Variants in FIGN observed in about 807,000 individuals in gnomAD.
FIGN encodes fidgetin, microtubule severing factor.
Under a neutral mutation model 51.3 loss-of-function variants are expected in FIGN, and 11 were observed. The observed-to-expected ratio is 0.21, with a 90% CI of 0.13 to 0.35. The LOEUF (loss-of-function observed/expected upper bound fraction) is 0.35, where lower values mean the gene tolerates loss of function less well. Among genes scored for constraint, FIGN ranks in the 10% least tolerant of loss-of-function variants. The probability of loss-of-function intolerance (pLI) is 1.00; values close to 1 mark genes in which losing one functional copy is unlikely to be tolerated. For synonymous variants in FIGN, 407 were observed against 363.2 expected (o/e 1.12, Z -1.37); for missense variants, 857 against 943.6 (o/e 0.91, Z 1.20).
Position 163,710,662 on chromosome 2 carries a change from G to A in FIGN, c.25+24241C>T, listed in dbSNP as rs181180001. 1.4e-3 allele frequency among the ~76,000 whole-genome samples: 206 copies of A among 152,220 alleles called. 2 individuals are homozygous for A. The highest frequency in any genetic ancestry group is 5.7e-4 in the Non-Finnish European group (39 of 67,992). On this transcript the variant is annotated intron_variant, in intron 2 of 2. Transcript: ENST00000333129. The stretch of plus-strand genomic sequence containing the variant: ...CATAATAGTGCTAGCTAAATGAAAG[G>A]TTTTTATTTAGTGCCAATTTTAACA...
At chr2:163,615,645 G>C (rs992222849) in intron 2 of FIGN, among the ~76,000 whole-genome samples, 4 of 151,998 alleles carry the variant, frequency 2.6e-5, no homozygotes, top group African/African-American at 9.7e-5. Flanking sequence ...TCAAATAATG[G>C]GTTGAGTTTT....
At chr2:163,643,676 G>A (rs1343426095) in intron 2 of FIGN, among the ~76,000 whole-genome samples, 6 of 149,858 alleles carry the variant, frequency 4.0e-5, no homozygotes, top group Admixed American at 3.3e-4. Flanking sequence ...AATGATTGCC[G>A]GGCACAGTGG....
chr2:163,693,832 GTGTTAGA>G (rs1684275095), intron 2 of FIGN, among the ~76,000 whole-genome samples: 1 of 152,134 alleles, frequency 6.6e-6, no homozygotes, highest in Non-Finnish European at 1.5e-5. Context: ...CGAAACATAT[GTGTTAGA>G]TGGTATTATA....
At chr2:163,632,130 A>G (rs1683154602) in intron 2 of FIGN, among the ~76,000 whole-genome samples, 1 of 152,244 alleles carries the variant, frequency 6.6e-6, no homozygotes, top group African/African-American at 2.4e-5. Flanking sequence ...CCTAGGCAAG[A>G]AGAGCGAAAC....
In FIGN at chr2:163,607,470, G is replaced by C. The variant is rs938679330; in HGVS notation, c.*2082C>G. 2 of 152,312 alleles carry C rather than the reference G, an allele frequency of 1.3e-5. No homozygotes were observed. The highest frequency in any genetic ancestry group is 4.8e-5 in the African/African-American group (2 of 41,384). The allele number at this position is 152,312 out of a possible 1,614,324, so 9.4% of individuals were successfully genotyped here. On this transcript the variant is annotated 3_prime_UTR_variant, in exon 3 of 3. Transcript: ENST00000333129. Reference sequence around the variant, plus strand: ...TAGCAACATAAAAAATAAAAAAAGGGGAGTAAAGATCAAGCATCATAAAAT... The same window carrying C: ...TAGCAACATAAAAAATAAAAAAAGGCGAGTAAAGATCAAGCATCATAAAAT...
intron 2 of FIGN, among the ~76,000 whole-genome samples, chr2:163,692,135 T>A (rs1684248396): frequency 6.6e-6 from 1 of 152,226 alleles, no homozygotes; most frequent in South Asian, 2.1e-4. Context: ...AAAATTAAAA[T>A]ATGAATTGAA....
intron 2 of FIGN, among the ~76,000 whole-genome samples, chr2:163,665,794 G>A (rs960489647): frequency 1.3e-4 from 19 of 151,982 alleles, no homozygotes; most frequent in Admixed American, 5.2e-4. Flanking sequence ...TTAATGGAGA[G>A]TGAAAAAAAA....
chr2:163,661,176 G>A (rs920593445), intron 2 of FIGN, among the ~76,000 whole-genome samples: 17 of 150,130 alleles, frequency 1.1e-4, no homozygotes, highest in African/African-American at 2.7e-4. Context: ...GAGCCACCGC[G>A]CCTGGCTAGA....
At chr2:163,694,472 A>T (rs1684286149) in intron 2 of FIGN, among the ~76,000 whole-genome samples, 1 of 152,150 alleles carries the variant, frequency 6.6e-6, no homozygotes, top group African/African-American at 2.4e-5. Context: ...CTTTTACAGG[A>T]TGGGGCAAGC....
chr2:163,734,286 G>A (rs1213104350), intron 2 of FIGN, among the ~76,000 whole-genome samples: 3 of 151,558 alleles, frequency 2.0e-5, no homozygotes, highest in African/African-American at 7.3e-5. Context: ...CAAGGACTTT[G>A]GACAATCAAA....
At chr2:163,696,025 C>A (rs1684313688) in intron 2 of FIGN, among the ~76,000 whole-genome samples, 1 of 152,102 alleles carries the variant, frequency 6.6e-6, no homozygotes. Flanking sequence ...GCAAGAGAAT[C>A]TCTTGAACCT....
Position 163,734,359 on chromosome 2 carries a change from C to A in FIGN, c.25+544G>T, listed in dbSNP as rs973264234. ...CTTACCCGCCCCCCCCAAAAAAAAA[C>A]CACACTCAGAAGAACTGATTACTCC... is the stretch of plus-strand genomic sequence containing the variant. On this transcript the variant is annotated intron_variant, in intron 2 of 2. Transcript: ENST00000333129. 1.1e-4 allele frequency among the ~76,000 whole-genome samples: 16 copies of A among 147,918 alleles called. 1 individual carries two copies. Among genetic ancestry groups the A allele is most frequent in the South Asian group, 6.5e-4 (3 of 4,646 alleles).
At chr2:163,664,086 T>C (rs1383983831) in intron 2 of FIGN, among the ~76,000 whole-genome samples, 2 of 152,108 alleles carry the variant, frequency 1.3e-5, no homozygotes, top group Non-Finnish European at 2.9e-5. Flanking sequence ...GGTATGTGTG[T>C]GTCTATGGTA....
intron 2 of FIGN, among the ~76,000 whole-genome samples, chr2:163,613,500 T>G (rs1207157711): frequency 6.6e-6 from 1 of 152,128 alleles, no homozygotes; most frequent in Non-Finnish European, 1.5e-5. Context: ...TCTGACTTAC[T>G]GCGATAAACT....
chr2:163,638,842 T>A (rs1348870126), intron 2 of FIGN, among the ~76,000 whole-genome samples: 1 of 152,192 alleles, frequency 6.6e-6, no homozygotes, highest in African/African-American at 2.4e-5. Flanking sequence ...GACAGAAGTC[T>A]AATTATTTAA....
intron 2 of FIGN, among the ~76,000 whole-genome samples, chr2:163,683,859 A>G (rs1381381482): frequency 1.3e-5 from 2 of 152,164 alleles, no homozygotes; most frequent in Non-Finnish European, 2.9e-5. Context: ...TGATGCTTTT[A>G]TGGTCTAGCT....
intron 2 of FIGN, among the ~76,000 whole-genome samples, chr2:163,625,540 G>A (rs937881545): frequency 2.0e-5 from 3 of 151,804 alleles, no homozygotes; most frequent in African/African-American, 7.3e-5. Flanking sequence ...AGTTAGCTAG[G>A]CTTCTTATTG....
intron 2 of FIGN, among the ~76,000 whole-genome samples, chr2:163,709,781 T>G (rs1288726471): frequency 6.6e-6 from 1 of 152,032 alleles, no homozygotes; most frequent in Non-Finnish European, 1.5e-5. Flanking sequence ...TTCATATTTA[T>G]GAGAAAAAAA....
intron 2 of FIGN, among the ~76,000 whole-genome samples, chr2:163,713,154 A>G (rs1361945226): frequency 6.6e-6 from 1 of 152,220 alleles, no homozygotes; most frequent in African/African-American, 2.4e-5. Flanking sequence ...AGTAAAATAT[A>G]AAACTGTTAC....
Sources: allele counts gnomAD v4.1 joint callset (sites outside exome capture counted in the v4.1 genomes callset), GRCh38; gene constraint gnomAD v4.1.1; transcripts MANE v1.5; gene names NCBI Gene and HGNC (gene_info 2026-07-23, HGNC 2026-07-21).